Variants in SPAG16 observed in about 807,000 individuals in gnomAD.
SPAG16 encodes the protein sperm-associated antigen 16 protein.
A neutral mutation model predicts 80.4 loss-of-function variants in SPAG16; 86 were observed. The observed-to-expected ratio is 1.07, with a 90% CI of 0.90 to 1.28. The LOEUF (loss-of-function observed/expected upper bound fraction) is 1.28. Ranked by LOEUF, SPAG16 falls within the 50% of genes most tolerant of loss-of-function variation. SPAG16 has a pLI of 0.00. For missense variants in SPAG16, 870 were observed against 765.3 expected, an observed-to-expected ratio of 1.14 and a Z score of -1.61; for synonymous variants, 294 against 265.9, an observed-to-expected ratio of 1.11 and a Z score of -1.03.
chr2:213,405,485 C>T (rs551080004), intron 9 of SPAG16, among the ~76,000 whole-genome samples: 7 of 152,206 alleles, frequency 4.6e-5, no homozygotes, highest in Non-Finnish European at 8.8e-5. Context: ...GGGAACATTC[C>T]AAATATTCTT....
At position 213,479,241 on chromosome 2, in the gene SPAG16, G is replaced by A. The variant is rs1293597651; in HGVS notation, c.943-10722G>A. Among the ~76,000 whole-genome samples, 4 of 151,034 alleles carry A rather than the reference G, an allele frequency of 2.6e-5. No individual in the cohort carries two copies. In the South Asian group the frequency reaches 6.3e-4, roughly 24 times the overall value. Reference sequence around the variant, plus strand: ...TCACTGTCTTAGTCTTTAATCGAATGTCACCTTCTCCATGAGGCCTCGCCA... The same window carrying A: ...TCACTGTCTTAGTCTTTAATCGAATATCACCTTCTCCATGAGGCCTCGCCA... On this transcript the variant is annotated intron_variant, in intron 9 of 15. Coordinates refer to ENST00000331683, the MANE Select transcript of SPAG16 (RefSeq NM_024532.5).
At chr2:214,406,797 T>C (rs914299559) in intron 15 of SPAG16, among the ~76,000 whole-genome samples, 4 of 152,110 alleles carry the variant, frequency 2.6e-5, no homozygotes, top group African/African-American at 9.7e-5. Flanking sequence ...CAGCAACATA[T>C]GCTCCTCATT....
intron 10 of SPAG16, among the ~76,000 whole-genome samples, chr2:213,649,360 A>T (rs1053868788): frequency 1.3e-5 from 2 of 152,210 alleles, no homozygotes; most frequent in African/African-American, 4.8e-5. Context: ...AAGGTTATAC[A>T]ATGAGGAGGT....
In SPAG16 at chr2:213,952,911, A is replaced by C. The variant is rs574660081; in HGVS notation, c.1400+22766A>C. Among the ~76,000 whole-genome samples, 4 of 152,180 alleles carry C rather than the reference A, an allele frequency of 2.6e-5. No individual in the cohort carries two copies. In the South Asian group the frequency reaches 8.3e-4, roughly 32 times the overall value. On this transcript the variant is annotated intron_variant, in intron 12 of 15. Transcript: ENST00000331683. ...TGTGTAAGTAGAATTTTAAAATAAC[A>C]AGTTTCAATCACCAGATATCTTAAA...
chr2:213,727,923 A>G (rs1471457958), intron 10 of SPAG16, among the ~76,000 whole-genome samples: 2 of 151,990 alleles, frequency 1.3e-5, no homozygotes, highest in Non-Finnish European at 2.9e-5. Context: ...ATCTCAGCTC[A>G]CTGCAACCTC....
At chr2:213,396,629 A>G in intron 9 of SPAG16, 1 of 456,364 alleles carries the variant, frequency 2.2e-6, no homozygotes, top group Non-Finnish European at 4.4e-6. Flanking sequence ...ATAAGACCGT[A>G]CCTCTGCAGG....
chr2:213,353,072 C>CTA (rs1215827356), intron 7 of SPAG16, among the ~76,000 whole-genome samples: 2 of 152,196 alleles, frequency 1.3e-5, no homozygotes, highest in Admixed American at 1.3e-4. Context: ...AGCTTAAAGT[C>CTA]TACAGGCTAT....
intron 13 of SPAG16, among the ~76,000 whole-genome samples, chr2:214,065,468 AG>A (rs2050488692): frequency 6.6e-6 from 1 of 152,154 alleles, no homozygotes; most frequent in Non-Finnish European, 1.5e-5. Flanking sequence ...TTTACAGTGA[AG>A]GGAAAAATAC....
intron 15 of SPAG16, among the ~76,000 whole-genome samples, chr2:214,383,595 A>G (rs1017863852): frequency 6.6e-6 from 1 of 151,972 alleles, no homozygotes; most frequent in African/African-American, 2.4e-5. Context: ...AAGAAAAAAA[A>G]AGACATATTT....
intron 15 of SPAG16, among the ~76,000 whole-genome samples, chr2:214,347,346 A>AG (rs930938079): frequency 3.0e-5 from 2 of 66,738 alleles, no homozygotes; most frequent in Non-Finnish European, 9.7e-5. Context: ...ACAAAATATT[A>AG]GGGTTTTTTT....
rs2078587543 is a variant in SPAG16, at chr2:213,928,325, C to CTCATG, written c.1215-1634_1215-1630dup. 2.0e-5 allele frequency among the ~76,000 whole-genome samples: 3 copies of CTCATG among 151,892 alleles called. No homozygotes were observed. In the South Asian group the frequency reaches 6.2e-4, roughly 32 times the overall value. On this transcript the variant is annotated intron_variant, in intron 11 of 15. Transcript: ENST00000331683. ...GCCAGGATGGTCTCTATCTCCTGAC[C>CTCATG]TCATGATCTGCCCCCCTCGACCTCC...
At chr2:213,624,968 T>C (rs1436338635) in intron 10 of SPAG16, among the ~76,000 whole-genome samples, 2 of 152,070 alleles carry the variant, frequency 1.3e-5, no homozygotes, top group African/African-American at 4.8e-5. Context: ...TTTTTGTATT[T>C]TTAGTAGAGG....
intron 1 of SPAG16, among the ~76,000 whole-genome samples, chr2:213,286,138 T>G (rs1304338931): frequency 6.6e-6 from 1 of 152,240 alleles, no homozygotes; most frequent in Non-Finnish European, 1.5e-5. Flanking sequence ...TGTAGCAGTT[T>G]GCAAACCTGT....
chr2:213,951,519 C>T (rs1333451640), intron 12 of SPAG16, among the ~76,000 whole-genome samples: 3 of 151,968 alleles, frequency 2.0e-5, no homozygotes, highest in South Asian at 4.2e-4. Context: ...ATGCAAAAGA[C>T]AAAAGCACAT....
chr2:213,696,438 T>C (rs2065156985), intron 10 of SPAG16, among the ~76,000 whole-genome samples: 1 of 152,036 alleles, frequency 6.6e-6, no homozygotes, highest in Admixed American at 6.6e-5. Context: ...CTAAGTGAGA[T>C]AATCTAGGGA....
At chr2:214,164,211 T>G (rs997732272) in intron 15 of SPAG16, among the ~76,000 whole-genome samples, 1 of 152,078 alleles carries the variant, frequency 6.6e-6, no homozygotes, top group Non-Finnish European at 1.5e-5. Flanking sequence ...AGAAAGAAGG[T>G]TCAGTGAATG....
At chr2:213,869,265 ATAT>A (rs1261291367) in intron 11 of SPAG16, among the ~76,000 whole-genome samples, 30 of 24,806 alleles carry the variant, frequency 1.2e-3, no homozygotes, top group Admixed American at 1.7e-3. Context: ...AAAAAAAAAA[ATAT>A]ATATATATAT....
At chr2:213,863,347 A>G (rs1050371394) in intron 11 of SPAG16, among the ~76,000 whole-genome samples, 4 of 151,920 alleles carry the variant, frequency 2.6e-5, no homozygotes, top group Non-Finnish European at 5.9e-5. Context: ...TCTTTTGGAA[A>G]TTTTGTTCTT....
At chr2:213,885,121 A>G (rs192782333) in intron 11 of SPAG16, among the ~76,000 whole-genome samples, 10 of 152,282 alleles carry the variant, frequency 6.6e-5, no homozygotes, top group Admixed American at 5.9e-4. Context: ...TAGTTTAAAT[A>G]TAGTCAGTTG....
Sources: gnomAD v4.1 joint callset for allele counts (sites outside exome capture counted in the v4.1 genomes callset) on GRCh38, gnomAD v4.1.1 for gene constraint, MANE v1.5 for transcripts, NCBI Gene and HGNC (gene_info 2026-07-23, HGNC 2026-07-21) for gene names.